Variants in DNAH8 observed in about 807,000 individuals in gnomAD.
DNAH8 encodes dynein axonemal heavy chain 8.
DNAH8 carries 382 observed loss-of-function variants against 562.1 expected under a neutral mutation model. The ratio of observed to expected loss-of-function variants is 0.68; its 90% confidence interval spans 0.63 to 0.74. The LOEUF (loss-of-function observed/expected upper bound fraction) is 0.74. Ranked by LOEUF, DNAH8 falls within the 30% of genes least tolerant of loss-of-function variation. The pLI, the probability that DNAH8 is intolerant of heterozygous loss-of-function variation, is 0.00. For synonymous variants in DNAH8, 1,881 were observed against 1,919.4 expected (o/e 0.98, Z 0.52); for missense variants, 5,203 against 5,620.4 (o/e 0.93, Z 2.37).
At position 38,715,930 on chromosome 6, in the gene DNAH8, ATATAT is replaced by A. The variant is rs1562520307; in HGVS notation, c.-35+516_-35+520del. 2.8e-3 allele frequency among the ~76,000 whole-genome samples: 69 copies of A among 24,894 alleles called. 3 individuals are homozygous for A. The highest frequency in any genetic ancestry group is 0.015 in the Admixed American group (27 of 1,854). 16.3% of individuals were successfully genotyped at this position (24,894 alleles called of 152,430 possible). A position where few individuals can be genotyped will look rare whatever the true frequency, so the allele number is the denominator to read the frequency against. ...AATAAATAAATAAATAAATAAATAT[ATATAT>A]ATATATATATATATATATATATATA... is the stretch of plus-strand genomic sequence containing the variant. On this transcript the variant is annotated intron_variant, in intron 1 of 92. Transcript: ENST00000327475.
At chr6:38,851,819 G>A in intron 39 of DNAH8, 145 bp downstream of exon 39, 2 of 655,380 alleles carry the variant, frequency 3.1e-6, no homozygotes, top group East Asian at 2.8e-5. Flanking sequence ...TATTTTCTGT[G>A]TATTTGGAGC....
intron 75 of DNAH8, among the ~76,000 whole-genome samples, chr6:38,930,225 T>C (rs1782451582): frequency 6.6e-6 from 1 of 152,176 alleles, no homozygotes; most frequent in Non-Finnish European, 1.5e-5. Flanking sequence ...TTGGAAGCTA[T>C]GGAATATTGT....
intron 36 of DNAH8, among the ~76,000 whole-genome samples, chr6:38,846,753 C>T (rs1418585851): frequency 1.3e-5 from 2 of 152,160 alleles, no homozygotes; most frequent in Non-Finnish European, 2.9e-5. Context: ...GGATGATGAC[C>T]TCTTGATGAA....
intron 57 of DNAH8, among the ~76,000 whole-genome samples, chr6:38,890,095 T>C (rs1253142168): frequency 2.0e-5 from 3 of 152,130 alleles, no homozygotes; most frequent in African/African-American, 7.2e-5. Context: ...TCCCTAGGAA[T>C]GTTGCATGTC....
chr6:38,899,083 T>C (rs1779894249), intron 61 of DNAH8, among the ~76,000 whole-genome samples: 1 of 152,196 alleles, frequency 6.6e-6, no homozygotes, highest in Non-Finnish European at 1.5e-5. Flanking sequence ...TGATAGTGAA[T>C]TTACTGATCC....
At chr6:38,917,190 A>C in intron 68 of DNAH8, 49 bp from the exon 69 acceptor site, 1 of 1,355,542 alleles carries the variant, frequency 7.4e-7, no homozygotes, top group Non-Finnish European at 1.0e-6. Flanking sequence ...CCATATAACT[A>C]TTAATACCAC....
intron 5 of DNAH8, 33 bp downstream of exon 5, chr6:38,734,658 A>G: frequency 6.2e-7 from 1 of 1,601,848 alleles, no homozygotes; most frequent in Non-Finnish European, 8.5e-7. Context: ...ATACATAGTT[A>G]AACATTGAAT....
chr6:38,803,880 A>G (rs1771015580), intron 22 of DNAH8, among the ~76,000 whole-genome samples: 1 of 152,086 alleles, frequency 6.6e-6, no homozygotes, highest in African/African-American at 2.4e-5. Context: ...TGCACTCTCA[A>G]GGAAGAAAAC....
At chr6:39,010,272 CT>C (rs1766106001) in intron 89 of DNAH8, among the ~76,000 whole-genome samples, 1 of 152,106 alleles carries the variant, frequency 6.6e-6, no homozygotes, top group African/African-American at 2.4e-5. Context: ...TAGAAGAGAT[CT>C]TTCTTGAACA....
chr6:38,929,884 A>G (rs552331634), intron 75 of DNAH8, among the ~76,000 whole-genome samples: 3 of 152,138 alleles, frequency 2.0e-5, no homozygotes, highest in Admixed American at 6.5e-5. Flanking sequence ...TTTATTTTTT[A>G]TAGCGTATAA....
chr6:38,826,257 G>A lies in DNAH8; in HGVS notation c.3949G>A (p.Ala1317Thr), dbSNP rs552093031. ...EYKKKMSYMI[A>T]FINEYLKKLS... ...CAAAAAGAAAATGTCATACATGATA[G>A]CATTTATTAATGAATACTTGAAAAA... Residue 1317 changes from alanine to threonine, a missense_variant, in exon 29 of 93, where the codon GCA becomes ACA. Physicochemically the swap from Ala to Thr is moderately conservative, Grantham distance 58. Transcript: ENST00000327475. 2.5e-6 allele frequency: 4 copies of A among 1,613,082 alleles called. No individual in the cohort carries two copies. In the East Asian group the frequency reaches 6.7e-5, roughly 27 times the overall value.
intron 17 of DNAH8, 27 bp from the exon 18 acceptor site, chr6:38,786,738 G>A: frequency 1.9e-6 from 3 of 1,601,910 alleles, no homozygotes; most frequent in Non-Finnish European, 2.6e-6. Context: ...TTCAGAATGA[G>A]TAATGTCAAT....
At position 38,951,331 on chromosome 6, in the gene DNAH8, G is replaced by T. The variant is rs368673029; in HGVS notation, c.12262G>T (p.Asp4088Tyr). 5.0e-6 allele frequency: 8 copies of T among 1,613,958 alleles called. No homozygotes were observed. In the African/African-American group the frequency reaches 8.0e-5, roughly 16 times the overall value. The change falls in exon 82 of 93, where the codon GAC (aspartate) becomes TAC (tyrosine). Residue 4088 changes from aspartate to tyrosine, a missense_variant. Coordinates refer to ENST00000327475, the MANE Select transcript of DNAH8 (RefSeq NM_001206927.2). ...KLLLIRSWCP[D>Y]RTVFQARKYI... ...ATTCATTTTTAGGTCTTGGTGCCCA[G>T]ACCGTACTGTTTTTCAAGCAAGAAA...
intron 88 of DNAH8, among the ~76,000 whole-genome samples, chr6:39,003,065 A>T (rs144266111): frequency 1.1e-4 from 17 of 152,320 alleles, no homozygotes; most frequent in African/African-American, 3.1e-4. Flanking sequence ...AAAGGCTGCT[A>T]TATAGGATTT....
intron 57 of DNAH8, among the ~76,000 whole-genome samples, chr6:38,889,111 G>A (rs923094244): frequency 4.6e-5 from 7 of 152,198 alleles, no homozygotes; most frequent in South Asian, 2.1e-4. Context: ...TGGCAAAAAC[G>A]TGAAATAATC....
intron 33 of DNAH8, among the ~76,000 whole-genome samples, chr6:38,840,696 T>C (rs1774708898): frequency 6.6e-6 from 1 of 152,214 alleles, no homozygotes; most frequent in Admixed American, 6.5e-5. Context: ...GAAACACATT[T>C]CTTTGTCAAT....
chr6:38,816,593 A>G (rs1339418493), intron 26 of DNAH8, among the ~76,000 whole-genome samples: 3 of 152,064 alleles, frequency 2.0e-5, no homozygotes, highest in African/African-American at 4.8e-5. Context: ...TCCTTCGGGT[A>G]TATACCCAGT....
In DNAH8 at chr6:38,842,743, C is replaced by T; in HGVS notation, c.4685C>T (p.Ser1562Leu). 1 of 1,613,864 alleles carries T rather than the reference C, an allele frequency of 6.2e-7. No homozygotes were observed. Among genetic ancestry groups the T allele is most frequent in the Non-Finnish European group, 8.5e-7 (1 of 1,179,902 alleles). The change falls in exon 35 of 93, where the codon TCA (serine) becomes TTA (leucine). Residue 1562 changes from serine (S) to leucine (L), a missense_variant. Physicochemically the swap from Ser to Leu is moderately radical, Grantham distance 145 (BLOSUM62 -2). This residue lies in a region of DNAH8 where 2,176 missense variants were observed against 2,365.1 expected (regional missense o/e 0.92). Transcript: ENST00000327475. ...AAGAGAATTGATGATTTCAGTGAGT[C>T]ATGTCCTCTACTGGAAATGATGACC... is the stretch of plus-strand genomic sequence containing the variant. ...LKKRIDDFSE[S>L]CPLLEMMTNK...
intron 79 of DNAH8, 38 bp downstream of exon 79, chr6:38,939,026 T>C (rs1164776398): frequency 6.5e-7 from 1 of 1,542,648 alleles, no homozygotes. Context: ...GTGTGGAGGA[T>C]GTTGCTTTTG....
Sources: gnomAD v4.1 joint callset for allele counts (sites outside exome capture counted in the v4.1 genomes callset) on GRCh38, gnomAD v4.1.1 for gene constraint, gnomAD v4.1.1 regional missense constraint, MANE v1.5 for transcripts, NCBI Gene and HGNC (gene_info 2026-07-23, HGNC 2026-07-21) for gene names.